Variants in NIPAL3 observed in about 807,000 individuals in gnomAD.
NIPAL3 encodes NIPA like domain containing 3, also known as NIPA-like protein 3.
In NIPAL3, 41 loss-of-function variants were observed where a neutral mutation model predicts 47.2. The observed-to-expected ratio is 0.87, with a 90% CI of 0.68 to 1.13. NIPAL3 has a LOEUF of 1.13. Ranked by LOEUF, NIPAL3 falls within the 50% of genes most tolerant of loss-of-function variation. The pLI, the probability that NIPAL3 is intolerant of heterozygous loss-of-function variation, is 0.00. For missense variants in NIPAL3, 449 were observed against 530.1 expected (o/e 0.85, Z 1.50); for synonymous variants, 194 against 209.6 (o/e 0.93, Z 0.64).
chr1:24,462,792 C>G (rs1024631909), intron 10 of NIPAL3, among the ~76,000 whole-genome samples: 6 of 150,708 alleles, frequency 4.0e-5, no homozygotes, highest in Admixed American at 4.0e-4. Flanking sequence ...ACTACTAATA[C>G]ATACAATAAA....
At chr1:24,461,545 A>G (rs540758816) in intron 10 of NIPAL3, among the ~76,000 whole-genome samples, 35 of 150,708 alleles carry the variant, frequency 2.3e-4, no homozygotes, top group Admixed American at 4.0e-4. Flanking sequence ...TCCGTCTCAA[A>G]AAAAAAAAAA....
At chr1:24,428,290 G>GAGAT (rs1644714811) in intron 2 of NIPAL3, among the ~76,000 whole-genome samples, 1 of 151,004 alleles carries the variant, frequency 6.6e-6, no homozygotes, top group Non-Finnish European at 1.5e-5. Context: ...GAGAGAGAGA[G>GAGAT]AGAGAGAGAG....
intron 5 of NIPAL3, among the ~76,000 whole-genome samples, chr1:24,447,022 G>A (rs927636222): frequency 1.3e-5 from 2 of 152,162 alleles, no homozygotes; most frequent in African/African-American, 2.4e-5. Context: ...TCCAAGTCTC[G>A]GTAAGGCTGT....
intron 7 of NIPAL3, 97 bp from the exon 8 acceptor site, chr1:24,456,041 G>C (rs1029122032): frequency 1.4e-6 from 2 of 1,430,994 alleles, no homozygotes; most frequent in South Asian, 1.3e-5. Flanking sequence ...CCTCCCCTCT[G>C]TCTCCCCAAG....
chr1:24,457,900 CACT>C (rs966762223), intron 8 of NIPAL3: 4 of 478,892 alleles, frequency 8.4e-6, no homozygotes, highest in African/African-American at 7.9e-5. Context: ...TTTTTGGTCC[CACT>C]ACAACAATTC....
At chr1:24,462,983 T>C (rs540703040) in intron 10 of NIPAL3, among the ~76,000 whole-genome samples, 8 of 152,032 alleles carry the variant, frequency 5.3e-5, no homozygotes, top group African/African-American at 1.9e-4. Flanking sequence ...CTAAAAATAC[T>C]AAAATACAAA....
chr1:24,428,262 G>GAGAGAGAGAGAGAGAGAGAT (rs1644703091), intron 2 of NIPAL3, among the ~76,000 whole-genome samples: 3 of 55,398 alleles, frequency 5.4e-5, no homozygotes, highest in Non-Finnish European at 1.1e-4. Context: ...AAAAGAAAGA[G>GAGAGAGAGAGAGAGAGAGAT]AGAGAGAGAG....
Position 24,419,463 on chromosome 1 carries a change from G to A in NIPAL3, c.-85G>A. On this transcript the variant is annotated 5_prime_UTR_variant, in exon 2 of 12. Transcript: ENST00000374399. ...TGCTGGAGGGAGGTGAACACCACAA[G>A]GAGAGATGGCATCTGGCCTGGGCCC... 6.9e-7 allele frequency: 1 copy of A among 1,447,212 alleles called. No individual in the cohort carries two copies. 89.6% of individuals were successfully genotyped at this position (1,447,212 alleles called of 1,614,324 possible). A position where few individuals can be genotyped will look rare whatever the true frequency, so the allele number is the denominator to read the frequency against.
intron 10 of NIPAL3, 38 bp from the exon 11 acceptor site, chr1:24,463,988 G>A (rs1646589265): frequency 1.3e-6 from 2 of 1,561,530 alleles, no homozygotes; most frequent in Admixed American, 1.7e-5. Context: ...CCTTGCTCCT[G>A]GCCTTATTTC....
chr1:24,435,058 CAAAT>C (rs1419085239), intron 2 of NIPAL3, among the ~76,000 whole-genome samples: 5 of 152,104 alleles, frequency 3.3e-5, no homozygotes, highest in African/African-American at 4.8e-5. Context: ...TAAAGACAGA[CAAAT>C]AAATCAATGG....
At chr1:24,431,377 C>T (rs146614289) in intron 2 of NIPAL3, among the ~76,000 whole-genome samples, 23 of 152,166 alleles carry the variant, frequency 1.5e-4, no homozygotes, top group South Asian at 1.2e-3. Flanking sequence ...GCGGAACATA[C>T]GAAAAGCTGG....
Position 24,469,338 on chromosome 1 carries a change from G to A in NIPAL3, c.*153G>A, listed in dbSNP as rs933365361. 4.7e-5 allele frequency: 30 copies of A among 635,804 alleles called. No homozygotes were observed. The highest frequency in any genetic ancestry group is 7.4e-5 in the Non-Finnish European group (28 of 376,782). The allele number at this position is 635,804 out of a possible 1,614,324, so 39.4% of individuals were successfully genotyped here. A position where few individuals can be genotyped will look rare whatever the true frequency, so the allele number is the denominator to read the frequency against. ...AGCCTTTGTCTCTGGGAAAGGATGC[G>A]TTATCTTGGTCTTGGAAATTTCAAA... On this transcript the variant is annotated 3_prime_UTR_variant, in exon 12 of 12. Coordinates refer to ENST00000374399, the MANE Select transcript of NIPAL3 (RefSeq NM_020448.5).
chr1:24,422,672 C>T (rs1016206920), intron 2 of NIPAL3, among the ~76,000 whole-genome samples: 3 of 152,170 alleles, frequency 2.0e-5, no homozygotes, highest in East Asian at 1.9e-4. Flanking sequence ...TGCTAAGCTC[C>T]TTCCCACACC....
chr1:24,433,326 T>C (rs1644959589), intron 2 of NIPAL3: 3 of 152,372 alleles, frequency 2.0e-5, no homozygotes, highest in Non-Finnish European at 2.9e-5. Flanking sequence ...CACAAGATAC[T>C]GTACGTTGTA....
intron 2 of NIPAL3, among the ~76,000 whole-genome samples, chr1:24,420,375 G>A (rs958117533): frequency 5.3e-5 from 8 of 152,080 alleles, no homozygotes; most frequent in Non-Finnish European, 1.0e-4. Flanking sequence ...GGTGGCATGT[G>A]CCTGTAGTCC....
Position 24,449,679 on chromosome 1 carries a change from C to T in NIPAL3, c.540+53C>T. 1 of 1,574,318 alleles carries T rather than the reference C, an allele frequency of 6.4e-7. No homozygotes were observed. Among genetic ancestry groups the T allele is most frequent in the South Asian group, 1.1e-5 (1 of 88,026 alleles). ...TGAGATGGCAGGAGGGAGATCAAGT[C>T]CTAGAAACCAGAAACGTGAATACCC... On this transcript the variant is annotated intron_variant, in intron 6 of 11. Transcript: ENST00000374399. This position sits in a 1 kb window ranked among gnomAD's most constrained non-coding sequence, Gnocchi z 4.5.
chr1:24,435,365 T>G (rs1384072813), intron 2 of NIPAL3, among the ~76,000 whole-genome samples: 5 of 152,210 alleles, frequency 3.3e-5, no homozygotes, highest in African/African-American at 1.2e-4. Flanking sequence ...TTTTTGTCTC[T>G]TTTAGTTCAG....
At chr1:24,435,723 G>A (rs1339398960) in intron 2 of NIPAL3, among the ~76,000 whole-genome samples, 1 of 152,218 alleles carries the variant, frequency 6.6e-6, no homozygotes, top group Non-Finnish European at 1.5e-5. Flanking sequence ...TAGCCTCTCT[G>A]TGTGGTCTCC....
upstream of NIPAL3, chr1:24,415,256 T>C (rs1643962987): frequency 6.6e-6 from 1 of 152,274 alleles, no homozygotes; most frequent in Admixed American, 6.5e-5. Flanking sequence ...TCAGTATTGC[T>C]GGGAGGCTTG....
Sources: allele counts gnomAD v4.1 joint callset (sites outside exome capture counted in the v4.1 genomes callset), GRCh38; gene constraint gnomAD v4.1.1; non-coding constraint Gnocchi (gnomAD v3.1); transcripts MANE v1.5; gene names NCBI Gene and HGNC (gene_info 2026-07-23, HGNC 2026-07-21).